The following SLC2A11 variants were observed in gnomAD, a reference collection of about 807,000 sequenced individuals.
SLC2A11 encodes solute carrier family 2 member 11.
Under a neutral mutation model 52.1 loss-of-function variants are expected in SLC2A11, and 43 were observed. That is an observed-to-expected ratio of 0.82 (90% CI 0.65 to 1.06). The LOEUF is 1.06. Among genes scored for constraint, SLC2A11 ranks in the 50% least tolerant of loss-of-function variants. SLC2A11 has a pLI of 0.00. For synonymous variants in SLC2A11, 261 were observed against 277.6 expected, an observed-to-expected ratio of 0.94 and a Z score of 0.59; for missense variants, 582 against 654.2, an observed-to-expected ratio of 0.89 and a Z score of 1.20.
intron 2 of SLC2A11, chr22:23,865,143 G>T (rs912715173): frequency 2.1e-5 from 3 of 143,930 alleles, no homozygotes; most frequent in African/African-American, 5.1e-5. Context: ...AAAACTGGGC[G>T]CAGTGGCTCA....
At chr22:23,868,433 C>A in intron 2 of SLC2A11, 48 bp from the exon 3 acceptor site, 1 of 1,605,706 alleles carries the variant, frequency 6.2e-7, no homozygotes, top group Non-Finnish European at 8.5e-7. Context: ...TCATCTAGCA[C>A]CCCCACGCCA....
chr22:23,862,473 G>T, intron 2 of SLC2A11: 1 of 461,668 alleles, frequency 2.2e-6, no homozygotes, highest in Non-Finnish European at 3.9e-6. Context: ...TTCATCTCTT[G>T]GACACTAAGT....
chr22:23,883,729 G>A, intron 8 of SLC2A11, 43 bp from the exon 9 acceptor site: 3 of 1,456,162 alleles, frequency 2.1e-6, no homozygotes, highest in Non-Finnish European at 2.7e-6. Flanking sequence ...AGACCTCAGG[G>A]ACCATGGCTG....
At chr22:23,856,975 G>C (rs374436635), upstream of SLC2A11, 109 of 1,612,052 alleles carry the variant, frequency 6.8e-5, no homozygotes, top group African/African-American at 1.3e-3. Flanking sequence ...GCACAGATGA[G>C]AGCGCTCCGA....
intron 6 of SLC2A11, 106 bp from the exon 7 acceptor site, chr22:23,882,353 G>C (rs1185584114): frequency 2.0e-6 from 2 of 1,011,494 alleles, no homozygotes; most frequent in Non-Finnish European, 2.8e-6. Flanking sequence ...GAGACAGAGA[G>C]TGAGCCAAGA....
At chr22:23,868,850 G>A in intron 3 of SLC2A11, 1 of 536,386 alleles carries the variant, frequency 1.9e-6, no homozygotes, top group Non-Finnish European at 3.2e-6. Context: ...ACAAGAGAGG[G>A]AGGACTCCTG....
Position 23,884,525 on chromosome 22 carries a change from C to T in SLC2A11, c.1299+96C>T, listed in dbSNP as rs1228705288. ...AGGCTTCCATCCAGGGAGACTGAGACTGAAAGGGAGGGGTCTTAGGGGAGC... is the reference window on the plus strand; with the variant it reads ...AGGCTTCCATCCAGGGAGACTGAGATTGAAAGGGAGGGGTCTTAGGGGAGC... On this transcript the variant is annotated intron_variant, in intron 11 of 11. Transcript: ENST00000316185. The surrounding 1 kb of genome is among the most constrained non-coding windows in gnomAD (Gnocchi z 4.3). 1.9e-6 allele frequency: 3 copies of T among 1,557,122 alleles called. No homozygotes were observed. The African/African-American group carries it at 4.1e-5, about 21-fold the overall frequency.
At chr22:23,875,299 T>A (rs1444323238) in intron 4 of SLC2A11, 58 bp downstream of exon 4, 1 of 1,324,174 alleles carries the variant, frequency 7.6e-7, no homozygotes, top group East Asian at 2.8e-5. Flanking sequence ...ATAAATTCAT[T>A]AATTCCTTTT....
chr22:23,873,302 C>CGTGTGTGTGTGTGTGT (rs373424451), intron 3 of SLC2A11: 73 of 141,582 alleles, frequency 5.2e-4, no homozygotes, highest in African/African-American at 1.9e-3. Flanking sequence ...ATTACAGACA[C>CGTGTGTGTGTGTGTGT]GTGTGTGTGT....
At position 23,884,557 on chromosome 22, in the gene SLC2A11, G is replaced by C. The variant is rs185921239; in HGVS notation, c.1300-92G>C. On this transcript the variant is annotated intron_variant, in intron 11 of 11. Transcript: ENST00000316185. This position sits in a 1 kb window ranked among gnomAD's most constrained non-coding sequence, Gnocchi z 4.3. Reference sequence around the variant, plus strand: ...GGAGGGGTCTTAGGGGAGCAAAGAGGGGGGCAAATGCCTCCTCACGACCTG... The same window carrying C: ...GGAGGGGTCTTAGGGGAGCAAAGAGCGGGGCAAATGCCTCCTCACGACCTG... 560 of 1,541,036 alleles carry C rather than the reference G, an allele frequency of 3.6e-4. 1 individual carries two copies. The highest frequency in any genetic ancestry group is 1.4e-3 in the Admixed American group (73 of 51,340).
chr22:23,858,486 G>A (rs891753244), intron 1 of SLC2A11, among the ~76,000 whole-genome samples: 5 of 152,158 alleles, frequency 3.3e-5, no homozygotes, highest in African/African-American at 1.2e-4. Context: ...CGCTTCTAGG[G>A]GTTCCTTCCC....
At chr22:23,876,710 G>A (rs1307612541) in intron 4 of SLC2A11, among the ~76,000 whole-genome samples, 9 of 149,394 alleles carry the variant, frequency 6.0e-5, no homozygotes, top group Non-Finnish European at 4.5e-5. Context: ...CCACCCCCCC[G>A]CACAGCCCCG....
At chr22:23,883,656 C>A in intron 8 of SLC2A11, 116 bp from the exon 9 acceptor site, 2 of 795,582 alleles carry the variant, frequency 2.5e-6, no homozygotes, top group Non-Finnish European at 3.9e-6. Flanking sequence ...CACACTGAAG[C>A]AATAAACTAC....
intron 1 of SLC2A11, among the ~76,000 whole-genome samples, chr22:23,861,844 A>C (rs2032079143): frequency 6.6e-6 from 1 of 152,208 alleles, no homozygotes; most frequent in African/African-American, 2.4e-5. Flanking sequence ...ACCGCTCTCC[A>C]GCTCAGGGAA....
In SLC2A11 at chr22:23,870,011, C is replaced by T. The variant is rs150087768; in HGVS notation, c.290+1370C>T. The T allele has an allele frequency of 8.2e-4, 591 of 717,564 alleles. 3 individuals carry two copies. Among genetic ancestry groups the T allele is most frequent in the East Asian group, 6.4e-3 (239 of 37,292 alleles). 44.4% of individuals were successfully genotyped at this position (717,564 alleles called of 1,614,324 possible). On this transcript the variant is annotated intron_variant, in intron 3 of 11. Coordinates refer to ENST00000316185, the MANE Select transcript of SLC2A11 (RefSeq NM_001024939.4). ...TGGCCTAATCAATCTCCCAAAGGCC[C>T]ACCTCTAAATACCGTTGCATTGGAA...
At position 23,886,073 on chromosome 22, in the gene SLC2A11, A is replaced by C. The variant is rs973780536; in HGVS notation, c.*1224A>C. 10 of 152,188 alleles carry C rather than the reference A, an allele frequency of 6.6e-5. No individual in the cohort carries two copies. The highest frequency in any genetic ancestry group is 6.5e-4 in the Admixed American group (10 of 15,276). The allele number at this position is 152,188 out of a possible 1,614,324, so 9.4% of individuals were successfully genotyped here. On this transcript the variant is annotated 3_prime_UTR_variant, in exon 12 of 12. Coordinates refer to ENST00000316185, the MANE Select transcript of SLC2A11 (RefSeq NM_001024939.4). ...ATTGGTCAGATTTGCCTTTTTTCAG[A>C]ATCTGAAGTCATTCCGTACTGTATG...
intron 1 of SLC2A11, among the ~76,000 whole-genome samples, chr22:23,858,828 C>A (rs2031952516): frequency 6.6e-6 from 1 of 152,186 alleles, no homozygotes; most frequent in Non-Finnish European, 1.5e-5. Flanking sequence ...GTTCATTTTG[C>A]GATTGCTTGT....
rs147251615 is a variant in SLC2A11 at position 23,868,846 on chromosome 22, G to A, written c.290+205G>A. 6.1e-3 allele frequency: 3,343 copies of A among 546,100 alleles called. 20 individuals carry two copies. The highest frequency in any genetic ancestry group is 8.5e-3 in the Non-Finnish European group (2,676 of 315,524). 33.8% of individuals were successfully genotyped at this position (546,100 alleles called of 1,614,324 possible). A position where few individuals can be genotyped will look rare whatever the true frequency, so the allele number is the denominator to read the frequency against. On this transcript the variant is annotated intron_variant, in intron 3 of 11. Coordinates refer to ENST00000316185, the MANE Select transcript of SLC2A11 (RefSeq NM_001024939.4). ...GAGCAAACAGTCCTGTGCTACAAGA[G>A]AGGGAGGACTCCTGGTTTCTAATTT...
At position 23,882,497 on chromosome 22, in the gene SLC2A11, G is replaced by T; in HGVS notation, c.733G>T (p.Glu245Ter). 6.4e-7 allele frequency: 1 copy of T among 1,567,720 alleles called. No individual in the cohort carries two copies. The highest frequency in any genetic ancestry group is 1.4e-5 in the African/African-American group (1 of 73,700). ...CCGGGGCTCCGGGGACTTGGCAGGG[G>T]AGCTGGAGGAGCTGGAGGAGGAGCG... ...RLRGSGDLAG[E>*]LEELEEERAA... is the part of the protein sequence containing the mutation. Residue 245 changes from glutamate (E) to a stop codon, truncating the protein, a stop_gained, in exon 7 of 12, where the codon GAG (glutamate) becomes TAG (stop). Coordinates refer to ENST00000316185, the MANE Select transcript of SLC2A11 (RefSeq NM_001024939.4). LOFTEE classifies it high-confidence loss of function.
Sources: gnomAD v4.1 joint callset for allele counts (sites outside exome capture counted in the v4.1 genomes callset) on GRCh38, gnomAD v4.1.1 for gene constraint, Gnocchi (gnomAD v3.1) non-coding constraint, MANE v1.5 for transcripts, NCBI Gene and HGNC (gene_info 2026-07-23, HGNC 2026-07-21) for gene names.